Variants in SMARCA2 observed in about 807,000 individuals in gnomAD.
SMARCA2 encodes the protein SWI/SNF related BAF chromatin remodeling complex subunit ATPase 2.
A neutral mutation model predicts 199.8 loss-of-function variants in SMARCA2; 61 were observed. That is an observed-to-expected ratio of 0.31 (90% CI 0.25 to 0.38). The LOEUF is 0.38. Ranked by LOEUF, SMARCA2 falls within the 10% of genes least tolerant of loss-of-function variation. The probability of loss-of-function intolerance (pLI) is 1.00; values close to 1 mark genes in which losing one functional copy is unlikely to be tolerated. For synonymous variants in SMARCA2, 935 were observed against 732.0 expected, an observed-to-expected ratio of 1.28 and a Z score of -4.48; for missense variants, 1,344 against 2,012.2, an observed-to-expected ratio of 0.67 and a Z score of 6.35.
rs1818342007 is a variant in SMARCA2 at position 2,016,076 on chromosome 9, G to A, written c.-37+672G>A. The A allele has an allele frequency of 6.6e-6, 1 of 152,298 alleles. No homozygotes were observed. Among genetic ancestry groups the A allele is most frequent in the African/African-American group, 2.4e-5 (1 of 41,458 alleles). 9.4% of individuals were successfully genotyped at this position (152,298 alleles called of 1,614,324 possible). On this transcript the variant is annotated intron_variant, in intron 1 of 33. Transcript: ENST00000349721. The surrounding 1 kb of genome is among the most constrained non-coding windows in gnomAD (Gnocchi z 5.6). ...CAAAGGGCTCCGGCTGCGGAGACGT[G>A]AGCGGATCGCAGCGGGAGAAGCCTG... is the stretch of plus-strand genomic sequence containing the variant.
intron 29 of SMARCA2, among the ~76,000 whole-genome samples, chr9:2,173,663 T>C (rs1233961079): frequency 2.0e-5 from 3 of 152,178 alleles, no homozygotes; most frequent in Admixed American, 2.0e-4. Context: ...CATTTCATGA[T>C]GCTTCCCAGA....
intron 19 of SMARCA2, among the ~76,000 whole-genome samples, chr9:2,089,123 C>T (rs370463379): frequency 3.9e-5 from 6 of 152,156 alleles, no homozygotes; most frequent in South Asian, 2.1e-4. Context: ...TCTAATTATT[C>T]GGGGACATTA....
At chr9:2,076,715 A>G (rs369013184) in intron 13 of SMARCA2, among the ~76,000 whole-genome samples, 3 of 151,990 alleles carry the variant, frequency 2.0e-5, no homozygotes, top group South Asian at 4.2e-4. Context: ...CCTTAATGAT[A>G]TCAGCAGTCT....
chr9:2,059,235 T>C (rs764092845), intron 8 of SMARCA2, among the ~76,000 whole-genome samples: 2 of 152,234 alleles, frequency 1.3e-5, no homozygotes, highest in Non-Finnish European at 2.9e-5. Context: ...AATGCCTGCA[T>C]AGATGAAGAT....
At chr9:2,180,234 A>T (rs756641239) in intron 29 of SMARCA2, among the ~76,000 whole-genome samples, 3 of 152,144 alleles carry the variant, frequency 2.0e-5, no homozygotes, top group Non-Finnish European at 2.9e-5. Context: ...CCATATGTGC[A>T]TTAAAAAAAT....
At position 2,170,592 on chromosome 9, in the gene SMARCA2, C is replaced by A; in HGVS notation, c.4253+120C>A. 6.6e-7 allele frequency: 1 copy of A among 1,519,056 alleles called. No homozygotes were observed. The highest frequency in any genetic ancestry group is 9.0e-7 in the Non-Finnish European group (1 of 1,108,578). 94.1% of individuals were successfully genotyped at this position (1,519,056 alleles called of 1,614,324 possible). A position where few individuals can be genotyped will look rare whatever the true frequency, so the allele number is the denominator to read the frequency against. The stretch of plus-strand genomic sequence containing the variant: ...TTTCTTCGGTCACCTCCTGATCACC[C>A]CTACTTGGAGAGCGGGATAGAGGCA... On this transcript the variant is annotated intron_variant, in intron 29 of 33. Transcript: ENST00000349721. This position sits in a 1 kb window ranked among gnomAD's most constrained non-coding sequence, Gnocchi z 4.7.
chr9:2,168,907 G>C (rs931364286), intron 28 of SMARCA2, among the ~76,000 whole-genome samples: 2 of 152,122 alleles, frequency 1.3e-5, no homozygotes, highest in African/African-American at 4.8e-5. Flanking sequence ...GCCATACCTA[G>C]CTTCTCTGAG....
intron 14 of SMARCA2, among the ~76,000 whole-genome samples, chr9:2,078,400 A>T (rs543732283): frequency 1.3e-5 from 2 of 151,966 alleles, no homozygotes; most frequent in African/African-American, 4.8e-5. Flanking sequence ...TGAGCTCCGG[A>T]GGTGGAGGTT....
chr9:2,111,017 A>G (rs758490814), intron 24 of SMARCA2, among the ~76,000 whole-genome samples: 21 of 149,484 alleles, frequency 1.4e-4, no homozygotes, highest in Non-Finnish European at 2.1e-4. Context: ...GTTCAGGGCT[A>G]TCCTTTTAAA....
chr9:2,146,779 T>A (rs7021261), intron 27 of SMARCA2, among the ~76,000 whole-genome samples: 5,502 of 152,260 alleles, frequency 0.036, 346 homozygotes, highest in African/African-American at 0.13. Context: ...GATGTTGCCA[T>A]GGCATTTGTA....
intron 29 of SMARCA2, among the ~76,000 whole-genome samples, chr9:2,173,841 C>T (rs1271488200): frequency 6.6e-6 from 1 of 152,186 alleles, no homozygotes; most frequent in African/African-American, 2.4e-5. Flanking sequence ...GTTACTAACC[C>T]ATTAAGCTAG....
At chr9:2,067,548 A>G (rs1231715638) in intron 9 of SMARCA2, among the ~76,000 whole-genome samples, 1 of 152,228 alleles carries the variant, frequency 6.6e-6, no homozygotes, top group Non-Finnish European at 1.5e-5. Context: ...TGGATTGTAC[A>G]TGTCGAAATA....
chr9:2,087,226 G>T (rs1821840694), intron 18 of SMARCA2, 155 bp downstream of exon 18: 1 of 875,286 alleles, frequency 1.1e-6, no homozygotes, highest in African/African-American at 1.7e-5. Flanking sequence ...TGGTCTTGTG[G>T]TGGGGTTATT....
chr9:2,103,631 CGTGTG>C, intron 22 of SMARCA2, among the ~76,000 whole-genome samples: 1 of 144,786 alleles, frequency 6.9e-6, no homozygotes, highest in East Asian at 2.0e-4. Context: ...ATGGCATATA[CGTGTG>C]TGTGTACGTG....
intron 15 of SMARCA2, among the ~76,000 whole-genome samples, chr9:2,082,781 TGAA>T (rs1263703959): frequency 1.3e-5 from 2 of 152,250 alleles, no homozygotes; most frequent in Non-Finnish European, 2.9e-5. Flanking sequence ...TTTTTTCTAA[TGAA>T]GACTATTTGC....
intron 12 of SMARCA2, among the ~76,000 whole-genome samples, chr9:2,075,581 G>C (rs1174341052): frequency 6.6e-6 from 1 of 152,196 alleles, no homozygotes; most frequent in African/African-American, 2.4e-5. Flanking sequence ...ACAAGATCCA[G>C]GTCCTCTACA....
intron 27 of SMARCA2, among the ~76,000 whole-genome samples, chr9:2,137,067 C>T (rs540382847): frequency 9.2e-5 from 14 of 152,094 alleles, no homozygotes; most frequent in Non-Finnish European, 1.2e-4. Flanking sequence ...CGCCAGTGCT[C>T]GTGTGGTTTC....
chr9:2,118,551 T>G (rs1823317651), intron 25 of SMARCA2, among the ~76,000 whole-genome samples: 1 of 152,188 alleles, frequency 6.6e-6, no homozygotes, highest in African/African-American at 2.4e-5. Flanking sequence ...TTCCCTCGAC[T>G]GATACACTGA....
At chr9:2,100,961 A>G (rs1822485732) in intron 21 of SMARCA2, among the ~76,000 whole-genome samples, 1 of 151,980 alleles carries the variant, frequency 6.6e-6, no homozygotes, top group African/African-American at 2.4e-5. Flanking sequence ...GACAAGAGAG[A>G]ATGTGAGGCA....
Sources: allele counts gnomAD v4.1 joint callset (sites outside exome capture counted in the v4.1 genomes callset), GRCh38; gene constraint gnomAD v4.1.1; non-coding constraint Gnocchi (gnomAD v3.1); transcripts MANE v1.5; gene names NCBI Gene and HGNC (gene_info 2026-07-23, HGNC 2026-07-21).